The following STK32B variants were observed in gnomAD, a reference collection of about 807,000 sequenced individuals.
The protein encoded by STK32B is serine/threonine-protein kinase 32B.
STK32B carries 43 observed loss-of-function variants against 52.6 expected under a neutral mutation model. That is an observed-to-expected ratio of 0.82 (90% CI 0.64 to 1.05). The LOEUF (loss-of-function observed/expected upper bound fraction) is 1.05, where lower values mean the gene tolerates loss of function less well. Ranked by LOEUF, STK32B falls within the 50% of genes least tolerant of loss-of-function variation. The pLI is 0.00. For missense variants in STK32B, 621 were observed against 534.6 expected (o/e 1.16, Z -1.59); for synonymous variants, 238 against 204.3 (o/e 1.17, Z -1.41).
intron 3 of STK32B, among the ~76,000 whole-genome samples, chr4:5,326,256 C>T (rs371470155): frequency 4.6e-5 from 7 of 152,214 alleles, no homozygotes; most frequent in African/African-American, 7.2e-5. Flanking sequence ...CATCTGTAGT[C>T]GGCATATTAT....
chr4:5,329,842 C>A (rs998245925), intron 3 of STK32B, among the ~76,000 whole-genome samples: 12 of 152,316 alleles, frequency 7.9e-5, no homozygotes, highest in African/African-American at 2.9e-4. Context: ...TCTCCTCTTT[C>A]CTGGACCCCA....
intron 1 of STK32B, among the ~76,000 whole-genome samples, chr4:5,106,347 T>A (rs759946278): frequency 1.3e-5 from 2 of 152,220 alleles, no homozygotes; most frequent in African/African-American, 4.8e-5. Flanking sequence ...CTTGTCTTGT[T>A]CTTTATGAAA....
At chr4:5,205,883 G>A (rs576429589) in intron 3 of STK32B, among the ~76,000 whole-genome samples, 4 of 152,234 alleles carry the variant, frequency 2.6e-5, no homozygotes, top group African/African-American at 9.6e-5. Flanking sequence ...AGGTTACTGG[G>A]ACAAAAGGTT....
intron 8 of STK32B, 119 bp from the exon 9 acceptor site, chr4:5,459,984 C>T: frequency 1.4e-6 from 2 of 1,453,474 alleles, no homozygotes; most frequent in South Asian, 2.4e-5. Context: ...CGGGGCACAA[C>T]ATCAATAGAG....
At chr4:5,220,665 C>A (rs1453662961) in intron 3 of STK32B, among the ~76,000 whole-genome samples, 1 of 152,190 alleles carries the variant, frequency 6.6e-6, no homozygotes, top group Non-Finnish European at 1.5e-5. Flanking sequence ...TTTCATCCTG[C>A]AGACAATGAG....
chr4:5,071,655 A>C (rs1317250619), intron 1 of STK32B, among the ~76,000 whole-genome samples: 1 of 152,182 alleles, frequency 6.6e-6, no homozygotes, highest in Non-Finnish European at 1.5e-5. Context: ...ATCTTCCTGG[A>C]GAATCAAAGG....
intron 2 of STK32B, among the ~76,000 whole-genome samples, chr4:5,149,691 A>T (rs1560178636): frequency 6.6e-6 from 1 of 151,838 alleles, no homozygotes; most frequent in Non-Finnish European, 1.5e-5. Flanking sequence ...ATAAATCTCT[A>T]ATACAATGTT....
intron 3 of STK32B, among the ~76,000 whole-genome samples, chr4:5,290,188 C>G (rs945243630): frequency 6.6e-6 from 1 of 152,148 alleles, no homozygotes; most frequent in Admixed American, 6.5e-5. Flanking sequence ...CAAGGCTCAC[C>G]TTGCTCCCCT....
chr4:5,121,631 C>G (rs1469618280), intron 1 of STK32B, among the ~76,000 whole-genome samples: 1 of 152,166 alleles, frequency 6.6e-6, no homozygotes, highest in African/African-American at 2.4e-5. Context: ...GTTTGATCCA[C>G]CAGGTAGTGT....
At chr4:5,155,524 G>T (rs1717752296) in intron 2 of STK32B, among the ~76,000 whole-genome samples, 1 of 152,000 alleles carries the variant, frequency 6.6e-6, no homozygotes, top group Non-Finnish European at 1.5e-5. Flanking sequence ...TATACATTAG[G>T]CATACCCACC....
At chr4:5,096,211 G>A (rs1208045807) in intron 1 of STK32B, among the ~76,000 whole-genome samples, 1 of 152,126 alleles carries the variant, frequency 6.6e-6, no homozygotes, top group Admixed American at 6.5e-5. Flanking sequence ...TAAAACTTTG[G>A]GTTTACCCTA....
rs1742085863 is a variant in STK32B at position 5,058,307 on chromosome 4, T to C, written c.52+6392T>C. On this transcript the variant is annotated intron_variant, in intron 1 of 11. Transcript: ENST00000282908. This position sits in a 1 kb window ranked among gnomAD's most constrained non-coding sequence, Gnocchi z 4.8. The stretch of plus-strand genomic sequence containing the variant: ...ACCTCCTTGTCCCCTTGAAGTTATG[T>C]GAGACCATGTGACTTGTTTTGGTCC... 6.6e-6 allele frequency among the ~76,000 whole-genome samples: 1 copy of C among 152,264 alleles called. No individual in the cohort carries two copies. The highest frequency in any genetic ancestry group is 2.4e-5 in the African/African-American group (1 of 41,482).
At chr4:5,164,831 A>G (rs1349338827) in intron 2 of STK32B, among the ~76,000 whole-genome samples, 1 of 152,216 alleles carries the variant, frequency 6.6e-6, no homozygotes, top group East Asian at 1.9e-4. Context: ...CACCCGTTGG[A>G]GACCCACTTG....
chr4:5,267,832 A>G (rs910937652), intron 3 of STK32B, among the ~76,000 whole-genome samples: 4 of 152,222 alleles, frequency 2.6e-5, no homozygotes, highest in African/African-American at 9.6e-5. Context: ...AAAAGAGAAT[A>G]TGTGAATCCT....
At chr4:5,335,085 C>G (rs372422708) in intron 4 of STK32B, among the ~76,000 whole-genome samples, 4 of 151,854 alleles carry the variant, frequency 2.6e-5, no homozygotes, top group Non-Finnish European at 2.9e-5. Flanking sequence ...TGGTAGAATT[C>G]GGCTGTGAAT....
chr4:5,406,935 C>T (rs1399682055), intron 5 of STK32B, among the ~76,000 whole-genome samples: 1 of 152,160 alleles, frequency 6.6e-6, no homozygotes, highest in East Asian at 1.9e-4. Context: ...TAAACCCTCC[C>T]AAGAAAATGG....
intron 3 of STK32B, among the ~76,000 whole-genome samples, chr4:5,212,987 T>G (rs1451239615): frequency 6.6e-6 from 1 of 152,208 alleles, no homozygotes; most frequent in African/African-American, 2.4e-5. Flanking sequence ...CATCCTATGT[T>G]CTAAAACTCA....
chr4:5,443,034 A>C (rs1214720096), intron 6 of STK32B, among the ~76,000 whole-genome samples: 1 of 150,988 alleles, frequency 6.6e-6, no homozygotes, highest in Non-Finnish European at 1.5e-5. Flanking sequence ...GGCTGCCCTT[A>C]ACATTTTTTC....
intron 3 of STK32B, among the ~76,000 whole-genome samples, chr4:5,313,071 C>T (rs76804063): frequency 0.013 from 1,923 of 150,584 alleles, 50 homozygotes; most frequent in African/African-American, 0.044. Context: ...AAAATCTCAA[C>T]AAAAATATTA....
Sources: allele counts gnomAD v4.1 joint callset (sites outside exome capture counted in the v4.1 genomes callset), GRCh38; gene constraint gnomAD v4.1.1; non-coding constraint Gnocchi (gnomAD v3.1); transcripts MANE v1.5; gene names NCBI Gene and HGNC (gene_info 2026-07-23, HGNC 2026-07-21).